XKR9: variants seen among roughly 807,000 people sequenced by gnomAD.
The protein encoded by XKR9 is XK-related protein 9.
XKR9 carries 32 observed loss-of-function variants against 32.0 expected under a neutral mutation model. The ratio of observed to expected loss-of-function variants is 1.00; its 90% CI spans 0.76 to 1.34. XKR9 has a LOEUF of 1.34. Ranked by LOEUF, XKR9 falls within the 40% of genes most tolerant of loss-of-function variation. XKR9 has a pLI of 0.00. For synonymous variants in XKR9, 168 were observed against 143.4 expected (o/e 1.17, Z -1.22); for missense variants, 546 against 429.7 (o/e 1.27, Z -2.39).
chr8:70,825,197 C>T, the XKR9 span, among the ~76,000 whole-genome samples: 1 of 152,022 alleles, frequency 6.6e-6, no homozygotes, highest in Non-Finnish European at 1.5e-5. Context: ...CATTCCCTGC[C>T]TCTATCCCCC....
the XKR9 span, among the ~76,000 whole-genome samples, chr8:70,868,166 A>T: frequency 6.6e-6 from 1 of 152,096 alleles, no homozygotes; most frequent in Non-Finnish European, 1.5e-5. Flanking sequence ...TGGCTTTTCC[A>T]GGTGCATGGT....
At chr8:71,033,658 C>T in the XKR9 span, among the ~76,000 whole-genome samples, 1 of 152,066 alleles carries the variant, frequency 6.6e-6, no homozygotes, top group Non-Finnish European at 1.5e-5. Flanking sequence ...GGATTAGTTC[C>T]CAAGAGAGCA....
the XKR9 span, among the ~76,000 whole-genome samples, chr8:70,811,599 T>A: frequency 2.0e-5 from 3 of 151,972 alleles, no homozygotes; most frequent in Non-Finnish European, 4.4e-5. Flanking sequence ...TAAAAAATGA[T>A]AAAGGGGATA....
the XKR9 span, among the ~76,000 whole-genome samples, chr8:70,993,528 G>A: frequency 6.6e-6 from 1 of 152,054 alleles, no homozygotes; most frequent in African/African-American, 2.4e-5. Flanking sequence ...GCTTTAAAAT[G>A]TATTTAAAAT....
At chr8:70,673,640 C>T (rs1818789792) in intron 1 of XKR9, among the ~76,000 whole-genome samples, 1 of 152,076 alleles carries the variant, frequency 6.6e-6, no homozygotes, top group African/African-American at 2.4e-5. Flanking sequence ...TGGCGGGTGC[C>T]TGTAATCCCA....
At chr8:70,839,725 A>T in the XKR9 span, among the ~76,000 whole-genome samples, 1 of 152,178 alleles carries the variant, frequency 6.6e-6, no homozygotes, top group African/African-American at 2.4e-5. Flanking sequence ...AATAAAAAAG[A>T]AACCACCACT....
chr8:70,706,953 G>C lies in XKR9; in HGVS notation c.293G>C (p.Arg98Thr), dbSNP rs984878548. Residue 98 changes from arginine to threonine, a missense_variant, in exon 4 of 5, where the codon AGG becomes ACG. By Grantham distance (71) the Arg-to-Thr change is moderately conservative. Transcript: ENST00000408926. Reference sequence around the variant, plus strand: ...TATAGGTATTGGTTTGCCTTAAAAAGGGGTTACCATGCAGCTTTTAAATAT... The same window carrying C: ...TATAGGTATTGGTTTGCCTTAAAAACGGGTTACCATGCAGCTTTTAAATAT... ...VFTRYWFALKRGYHAAFKYDS... is the reference protein window; with the variant it reads ...VFTRYWFALKTGYHAAFKYDS... 6.2e-7 allele frequency: 1 copy of C among 1,612,264 alleles called. No homozygotes were observed. Among genetic ancestry groups the C allele is most frequent in the Non-Finnish European group, 8.5e-7 (1 of 1,178,864 alleles).
chr8:70,754,362 G>A (rs2130191178), intron 2 of XKR9, among the ~76,000 whole-genome samples: 1 of 136,706 alleles, frequency 7.3e-6, no homozygotes, highest in East Asian at 2.2e-4. Context: ...TAGATTCAAT[G>A]CCATCCCCAT....
At chr8:71,057,972 C>G in the XKR9 span, among the ~76,000 whole-genome samples, 1 of 151,998 alleles carries the variant, frequency 6.6e-6, no homozygotes, top group Non-Finnish European at 1.5e-5. Context: ...ATCACGAGAT[C>G]AGATCGAGAC....
At chr8:70,849,150 C>G in the XKR9 span, among the ~76,000 whole-genome samples, 2 of 152,190 alleles carry the variant, frequency 1.3e-5, no homozygotes, top group African/African-American at 2.4e-5. Context: ...ACATTCTTCT[C>G]AGCACCACAT....
the XKR9 span, among the ~76,000 whole-genome samples, chr8:70,958,695 T>C: frequency 6.6e-6 from 1 of 152,222 alleles, no homozygotes; most frequent in African/African-American, 2.4e-5. Flanking sequence ...GCTCTTTAGT[T>C]TAATTAGATC....
chr8:70,897,986 C>T, the XKR9 span, among the ~76,000 whole-genome samples: 23 of 152,250 alleles, frequency 1.5e-4, no homozygotes, highest in African/African-American at 5.1e-4. Context: ...AATCTTTGCC[C>T]ACTTCAATGT....
chr8:70,808,323 A>G, the XKR9 span, among the ~76,000 whole-genome samples: 7 of 152,134 alleles, frequency 4.6e-5, no homozygotes, highest in Non-Finnish European at 1.5e-5. Context: ...CTAAAAAAGG[A>G]AGATGGCCGA....
the XKR9 span, among the ~76,000 whole-genome samples, chr8:71,002,596 T>C: frequency 6.6e-6 from 1 of 152,194 alleles, no homozygotes; most frequent in Non-Finnish European, 1.5e-5. Flanking sequence ...CTCTTTTTTA[T>C]TGATACTATT....
At chr8:70,701,237 G>A (rs11985375) in intron 3 of XKR9, among the ~76,000 whole-genome samples, 62,380 of 151,978 alleles carry the variant, frequency 0.41, 14,201 homozygotes, top group Non-Finnish European at 0.52. Context: ...AGATGAACAC[G>A]GTACCTCAGA....
the XKR9 span, among the ~76,000 whole-genome samples, chr8:70,934,757 C>T: frequency 6.6e-6 from 1 of 151,658 alleles, no homozygotes; most frequent in Non-Finnish European, 1.5e-5. Flanking sequence ...AACTGGACAC[C>T]AAGAAATGGC....
the XKR9 span, among the ~76,000 whole-genome samples, chr8:71,015,017 T>C: frequency 6.6e-6 from 1 of 152,184 alleles, no homozygotes; most frequent in Non-Finnish European, 1.5e-5. Context: ...ATGATCTACT[T>C]TGTAAACTGA....
chr8:70,905,977 C>T, the XKR9 span, among the ~76,000 whole-genome samples: 5 of 152,150 alleles, frequency 3.3e-5, no homozygotes, highest in East Asian at 1.9e-4. Context: ...GCTGGCTGAT[C>T]CTTCTTCTGG....
downstream of XKR9, among the ~76,000 whole-genome samples, chr8:70,794,901 C>G (rs913041602): frequency 6.6e-6 from 1 of 151,092 alleles, no homozygotes; most frequent in Non-Finnish European, 1.5e-5. Context: ...ACACAATAAA[C>G]TAGAAAGTTT....
Sources: allele counts gnomAD v4.1 joint callset (sites outside exome capture counted in the v4.1 genomes callset), GRCh38; gene constraint gnomAD v4.1.1; transcripts MANE v1.5; gene names NCBI Gene and HGNC (gene_info 2026-07-23, HGNC 2026-07-21).